Variants in NLRP11 observed in about 807,000 individuals in gnomAD.
NLRP11 encodes the protein NACHT, LRR and PYD domains-containing protein 11.
In NLRP11, 53 loss-of-function variants were observed where a neutral mutation model predicts 79.3. The ratio of observed to expected loss-of-function variants is 0.67; its 90% CI spans 0.54 to 0.84. NLRP11 has a LOEUF of 0.84. Ranked by LOEUF, NLRP11 falls within the 40% of genes least tolerant of loss-of-function variation. The pLI, the probability that NLRP11 is intolerant of heterozygous loss-of-function variation, is 0.00. For missense variants in NLRP11, 1,264 were observed against 1,255.0 expected (o/e 1.01, Z -0.11); for synonymous variants, 518 against 462.6 (o/e 1.12, Z -1.54).
chr19:55,807,061 G>A (rs763987468), intron 4 of NLRP11, among the ~76,000 whole-genome samples: 5 of 151,964 alleles, frequency 3.3e-5, no homozygotes, highest in East Asian at 3.9e-4. Context: ...TTTAAAATGC[G>A]TGTACTTATT....
chr19:55,809,505 G>T lies in NLRP11; in HGVS notation c.1105C>A (p.Leu369Ile). The T allele has an allele frequency of 6.2e-7, 1 of 1,614,148 alleles. No individual in the cohort carries two copies. Among genetic ancestry groups the T allele is most frequent in the Non-Finnish European group, 8.5e-7 (1 of 1,180,030 alleles). Residue 369 changes from leucine to isoleucine, a missense_variant, in exon 3 of 10, where the codon CTA becomes ATA. Transcript: ENST00000589093. The surrounding 1 kb of genome is among the most constrained non-coding windows in gnomAD (Gnocchi z 4.5). The stretch of plus-strand genomic sequence containing the variant: ...GCATCAGCAAGAAAGTGGGCATGTA[G>T]ATCAGTGGGTGTTTGGCAGCAGAGC...
At chr19:55,797,040 C>CT (rs1480823680) in intron 5 of NLRP11, among the ~76,000 whole-genome samples, 5 of 136,528 alleles carry the variant, frequency 3.7e-5, no homozygotes, top group African/African-American at 1.8e-4. Flanking sequence ...TCTCCTCACT[C>CT]TCCCTCAAGT....
intron 1 of NLRP11, among the ~76,000 whole-genome samples, chr19:55,818,591 T>C (rs1198410089): frequency 6.6e-6 from 1 of 152,214 alleles, no homozygotes; most frequent in Non-Finnish European, 1.5e-5. Context: ...TCTAGACTTG[T>C]GGTCTCTTAC....
chr19:55,789,432 C>T, intron 7 of NLRP11, 33 bp from the exon 8 acceptor site: 1 of 1,571,610 alleles, frequency 6.4e-7, no homozygotes, highest in Non-Finnish European at 8.7e-7. Context: ...AGAGTCATGA[C>T]CACCTGTCTC....
At chr19:55,833,828 A>G (rs1214902118), upstream of NLRP11, among the ~76,000 whole-genome samples, 2 of 151,554 alleles carry the variant, frequency 1.3e-5, no homozygotes, top group Admixed American at 1.3e-4. Context: ...TAATAGTGAA[A>G]AAAACATAGA....
intron 2 of NLRP11, among the ~76,000 whole-genome samples, chr19:55,812,062 G>A (rs969380080): frequency 2.0e-5 from 3 of 151,692 alleles, no homozygotes; most frequent in Admixed American, 6.6e-5. Flanking sequence ...CACAATGGAA[G>A]CATATCAAAA....
rs574241189 is a variant in NLRP11, at chr19:55,790,760, G to T, written c.2514-1361C>A. ...AAGGATCACTTGAGCCCAGCAGTCT[G>T]AGACTGGCCCGGGCAATATAGCAAA... On this transcript the variant is annotated intron_variant, in intron 7 of 9. Coordinates refer to ENST00000589093, the Ensembl canonical transcript of NLRP11. Among the ~76,000 whole-genome samples, 8 of 152,316 alleles carry T rather than the reference G, an allele frequency of 5.3e-5. No homozygotes were observed. The South Asian group carries it at 1.7e-3, about 32-fold the overall frequency.
intron 2 of NLRP11, among the ~76,000 whole-genome samples, chr19:55,812,792 A>T (rs7253439): frequency 0.094 from 14,368 of 152,150 alleles, 974 homozygotes; most frequent in African/African-American, 0.18. Context: ...TTTTCTATAA[A>T]CTTAGTTCAA....
intron 3 of NLRP11, among the ~76,000 whole-genome samples, 180 bp from the exon 4 acceptor site, chr19:55,808,194 C>G (rs1005969930): frequency 6.6e-6 from 1 of 152,188 alleles, no homozygotes; most frequent in African/African-American, 2.4e-5. Flanking sequence ...ATTAAAGTAG[C>G]TGGTGATTCC....
chr19:55,813,401 T>G (rs1980793700), intron 2 of NLRP11, among the ~76,000 whole-genome samples: 1 of 152,168 alleles, frequency 6.6e-6, no homozygotes, highest in Admixed American at 6.5e-5. Context: ...TGTAGTTTCT[T>G]TCCCCACTGA....
chr19:55,807,090 T>C (rs1376858897), intron 4 of NLRP11, among the ~76,000 whole-genome samples: 1 of 152,160 alleles, frequency 6.6e-6, no homozygotes. Context: ...CTATATTCTG[T>C]CTCATCAGAT....
At chr19:55,800,123 G>C (rs1342819204) in intron 5 of NLRP11, among the ~76,000 whole-genome samples, 2 of 152,168 alleles carry the variant, frequency 1.3e-5, no homozygotes, top group Admixed American at 6.5e-5. Context: ...GGTGCCGTTA[G>C]AGCATGAGGT....
chr19:55,835,040 G>A (rs1387767278), upstream of NLRP11, among the ~76,000 whole-genome samples: 4 of 152,158 alleles, frequency 2.6e-5, no homozygotes, highest in Non-Finnish European at 5.9e-5. Context: ...AGTCTGCAAA[G>A]GTCCCCATCA....
intron 5 of NLRP11, chr19:55,800,989 G>C (rs1979421832): frequency 6.6e-6 from 1 of 152,242 alleles, no homozygotes; most frequent in African/African-American, 2.4e-5. Flanking sequence ...AGACAAGCCT[G>C]ACCAACATGG....
At chr19:55,817,079 A>T (rs1360090649) in intron 2 of NLRP11, among the ~76,000 whole-genome samples, 1 of 152,226 alleles carries the variant, frequency 6.6e-6, no homozygotes, top group Non-Finnish European at 1.5e-5. Context: ...GAATATGAAA[A>T]AAATGCTCAA....
chr19:55,823,054 A>G (rs565132942), intron 1 of NLRP11, among the ~76,000 whole-genome samples: 6 of 149,064 alleles, frequency 4.0e-5, no homozygotes, highest in East Asian at 2.0e-4. Context: ...CCCAGCACGC[A>G]GCTGGAGATC....
intron 4 of NLRP11, among the ~76,000 whole-genome samples, chr19:55,804,666 T>A (rs1979812171): frequency 6.6e-6 from 1 of 152,126 alleles, no homozygotes; most frequent in Non-Finnish European, 1.5e-5. Flanking sequence ...TAGCTGGGCG[T>A]ACAGTCTTAT....
intron 4 of NLRP11, among the ~76,000 whole-genome samples, chr19:55,802,674 A>G (rs748499776): frequency 1.3e-5 from 2 of 152,220 alleles, no homozygotes; most frequent in Non-Finnish European, 2.9e-5. Context: ...TAAAGTTCAT[A>G]TAGAACAAAA....
chr19:55,819,180 C>CACAG, intron 1 of NLRP11, among the ~76,000 whole-genome samples: 1 of 126,830 alleles, frequency 7.9e-6, no homozygotes, highest in South Asian at 2.5e-4. Context: ...CACACACACA[C>CACAG]ACACACACAG....
Sources: allele counts gnomAD v4.1 joint callset (sites outside exome capture counted in the v4.1 genomes callset), GRCh38; gene constraint gnomAD v4.1.1; non-coding constraint Gnocchi (gnomAD v3.1); transcripts MANE v1.5; gene names NCBI Gene and HGNC (gene_info 2026-07-23, HGNC 2026-07-21).